HESX1: variants seen among roughly 807,000 people sequenced by gnomAD.
HESX1 encodes homeobox expressed in ES cells 1.
Under a neutral mutation model 22.5 loss-of-function variants are expected in HESX1, and 11 were observed. The ratio of observed to expected loss-of-function variants is 0.49; its 90% CI spans 0.31 to 0.81. HESX1 has a LOEUF of 0.81. Ranked by LOEUF, HESX1 falls within the 30% of genes least tolerant of loss-of-function variation. The probability of loss-of-function intolerance (pLI) is 0.05; values close to 1 mark genes in which losing one functional copy is unlikely to be tolerated. For missense variants in HESX1, 201 were observed against 212.6 expected (o/e 0.95, Z 0.34); for synonymous variants, 74 against 76.5 (o/e 0.97, Z 0.17).
intron 1 of HESX1, 65 bp from the exon 2 acceptor site, chr3:57,199,017 G>A (rs912058468): frequency 1.4e-6 from 2 of 1,403,370 alleles, no homozygotes; most frequent in African/African-American, 1.4e-5. Flanking sequence ...GTTCTATAGA[G>A]GTAGTTTCAG....
chr3:57,217,170 CA>C (rs2060587135), intron 1 of HESX1, among the ~76,000 whole-genome samples: 1 of 152,090 alleles, frequency 6.6e-6, no homozygotes, highest in Admixed American at 6.6e-5. Context: ...GTTTAGAGGG[CA>C]AAATCTGGGC....
chr3:57,199,894 C>T lies in HESX1; in HGVS notation c.25G>A (p.Ala9Thr), dbSNP rs763261432. The change falls in exon 1 of 4, where the codon GCT (alanine) becomes ACT (threonine). Residue 9 changes from alanine to threonine, a missense_variant. Coordinates refer to ENST00000295934, the MANE Select transcript of HESX1 (RefSeq NM_003865.3). ...GAGGGTTTGTTTTCCCCGAGCTGAGCGCCTTCCTGAAGGCTGGGAGACATC... is the reference window on the plus strand; with the variant it reads ...GAGGGTTTGTTTTCCCCGAGCTGAGTGCCTTCCTGAAGGCTGGGAGACATC... MSPSLQEGAQLGENKPSTC... is the reference protein window; with the variant it reads MSPSLQEGTQLGENKPSTC... The T allele has an allele frequency of 1.1e-5, 18 of 1,613,980 alleles. No homozygotes were observed. In the South Asian group the frequency reaches 1.3e-4, roughly 12 times the overall value.
chr3:57,201,010 C>T (rs959482604), upstream of HESX1, among the ~76,000 whole-genome samples: 1 of 152,200 alleles, frequency 6.6e-6, no homozygotes, highest in Non-Finnish European at 1.5e-5. Flanking sequence ...TTTTTATACT[C>T]TGCTCCTCCT....
chr3:57,211,877 T>C (rs1579359942), intron 1 of HESX1, among the ~76,000 whole-genome samples: 2 of 151,844 alleles, frequency 1.3e-5, no homozygotes, highest in East Asian at 3.9e-4. Flanking sequence ...TCTCGAGTCA[T>C]GTTGAACAAT....
intron 1 of HESX1, among the ~76,000 whole-genome samples, chr3:57,199,231 C>T (rs76899176): frequency 6.6e-6 from 1 of 152,264 alleles, no homozygotes; most frequent in East Asian, 1.9e-4. Context: ...AATGCAGGTT[C>T]TTGGGATTTC....
upstream of HESX1, among the ~76,000 whole-genome samples, chr3:57,203,251 G>A (rs2060500240): frequency 6.6e-6 from 1 of 152,170 alleles, no homozygotes; most frequent in African/African-American, 2.4e-5. Flanking sequence ...GCTAGGCATT[G>A]TTCTAGGTGT....
In HESX1 at chr3:57,221,328, C is replaced by CT. The variant is rs1234852604; in HGVS notation, c.-111+4967dup. Among the ~76,000 whole-genome samples the CT allele has an allele frequency of 1.1e-4, 17 of 150,994 alleles. No individual in the cohort carries two copies. The South Asian group carries it at 2.5e-3, about 22-fold the overall frequency. On this transcript the variant is annotated intron_variant, in intron 1 of 2. Coordinates refer to the HESX1 transcript ENST00000495160. ...ACCACCATACCCAGCCAATTAAAAA[C>CT]TTTTTTTTTGTTAAGATGGGTTCTT...
intron 1 of HESX1, among the ~76,000 whole-genome samples, chr3:57,211,790 G>A (rs938607190): frequency 1.3e-5 from 2 of 151,328 alleles, no homozygotes; most frequent in East Asian, 3.9e-4. Flanking sequence ...GTGAGATCGC[G>A]CCACTGCACT....
At chr3:57,198,732 T>C (rs1245152678) in intron 2 of HESX1, 21 bp downstream of exon 2, 4 of 1,607,774 alleles carry the variant, frequency 2.5e-6, no homozygotes, top group Middle Eastern at 1.8e-4. Flanking sequence ...ATTATCATTA[T>C]TGGGTGAAAA....
chr3:57,217,602 C>T (rs867022384), intron 1 of HESX1, among the ~76,000 whole-genome samples: 23 of 152,214 alleles, frequency 1.5e-4, no homozygotes, highest in South Asian at 4.2e-4. Flanking sequence ...TCTGACACCC[C>T]AGACCTAGCC....
upstream of HESX1, chr3:57,227,615 G>GCCTAGCGCCGCACGGGAA (rs1169907327): frequency 2.8e-5 from 9 of 321,038 alleles, no homozygotes; most frequent in Middle Eastern, 8.4e-4. Flanking sequence ...TCGCGGGAGA[G>GCCTAGCGCCGCACGGGAA]CCTAGCGCCG....
upstream of HESX1, among the ~76,000 whole-genome samples, chr3:57,201,761 C>T (rs545087674): frequency 6.6e-6 from 1 of 151,886 alleles, no homozygotes; most frequent in South Asian, 2.1e-4. Flanking sequence ...TGCCACAGCG[C>T]ATGCCAGAGC....
intron 1 of HESX1, among the ~76,000 whole-genome samples, chr3:57,207,150 T>C (rs2060524358): frequency 6.6e-6 from 1 of 152,154 alleles, no homozygotes; most frequent in Non-Finnish European, 1.5e-5. Context: ...GGTTTCACCA[T>C]GTTGGCCAGG....
intron 1 of HESX1, 138 bp from the exon 2 acceptor site, chr3:57,199,090 C>G: frequency 1.3e-6 from 1 of 751,106 alleles, no homozygotes. Context: ...CCCCGTTAAC[C>G]AAAAACCAAT....
At chr3:57,209,031 C>A (rs1224062371) in intron 1 of HESX1, among the ~76,000 whole-genome samples, 1 of 152,008 alleles carries the variant, frequency 6.6e-6, no homozygotes, top group South Asian at 2.1e-4. Context: ...TTCATTATCA[C>A]TCTTATTCAA....
upstream of HESX1, among the ~76,000 whole-genome samples, chr3:57,203,922 C>T (rs562719365): frequency 6.6e-5 from 10 of 152,272 alleles, no homozygotes; most frequent in South Asian, 1.0e-3. Context: ...CTGCCTGACT[C>T]GTCCTCCCAA....
At position 57,198,283 on chromosome 3, in the gene HESX1, T is replaced by A; in HGVS notation, c.472A>T (p.Asn158Tyr). The A allele has an allele frequency of 1.2e-6, 2 of 1,612,964 alleles. No individual in the cohort carries two copies. The highest frequency in any genetic ancestry group is 1.7e-6 in the Non-Finnish European group (2 of 1,179,180). Residue 158 changes from asparagine to tyrosine, a missense_variant, in exon 4 of 4, where the codon AAT becomes TAT. Coordinates refer to ENST00000295934, the MANE Select transcript of HESX1 (RefSeq NM_003865.3). The stretch of plus-strand genomic sequence containing the variant: ...GACCTTTTCAGTTTTGCACGCCGAT[T>A]TTGAAACCAAATCTAAAGTTAAGGA... ...EEDRIQIWFQNRRAKLKRSHR... is the reference protein window; with the variant it reads ...EEDRIQIWFQYRRAKLKRSHR...
chr3:57,198,215 G>A lies in HESX1; in HGVS notation c.540C>T (p.Asn180=), dbSNP rs758920142. The A allele has an allele frequency of 3.7e-6, 6 of 1,608,580 alleles. No individual in the cohort carries two copies. In the African/African-American group the frequency reaches 8.0e-5, roughly 22 times the overall value. The change falls in exon 4 of 4, where the codon AAC becomes AAT. Residue 180 remains asparagine, a synonymous_variant. Coordinates refer to ENST00000295934, the MANE Select transcript of HESX1 (RefSeq NM_003865.3). The part of the protein sequence containing the change: ...SQFLMAKKNF[N]TNLLE ...TTTCTATCTATTCCAGCAGATTTGT[G>A]TTGAAATTTTTTTTCGCCATTAGAA...
chr3:57,211,549 A>AAAAAAAAAAAAAC (rs1250966283), intron 1 of HESX1, among the ~76,000 whole-genome samples: 2 of 147,200 alleles, frequency 1.4e-5, no homozygotes, highest in African/African-American at 2.5e-5. Flanking sequence ...AAAAAAAAAA[A>AAAAAAAAAAAAAC]AAGCCAGGCA....
Sources: gnomAD v4.1 joint callset for allele counts (sites outside exome capture counted in the v4.1 genomes callset) on GRCh38, gnomAD v4.1.1 for gene constraint, MANE v1.5 for transcripts, NCBI Gene and HGNC (gene_info 2026-07-23, HGNC 2026-07-21) for gene names.